ZNF699: variants seen among roughly 807,000 people sequenced by gnomAD.
ZNF699 encodes zinc finger protein 699.
A neutral mutation model predicts 22.5 loss-of-function variants in ZNF699; 18 were observed. The ratio of observed to expected loss-of-function variants is 0.80; its 90% CI spans 0.55 to 1.19. ZNF699 has a LOEUF of 1.19. ZNF699 is among the 50% of genes most tolerant of loss of function. The probability of loss-of-function intolerance (pLI) is 0.00; values close to 1 mark genes in which losing one functional copy is unlikely to be tolerated. For synonymous variants in ZNF699, 241 were observed against 262.3 expected (o/e 0.92, Z 0.78); for missense variants, 670 against 763.4 (o/e 0.88, Z 1.44).
chr19:9,292,651 G>A lies in ZNF699; in HGVS notation c.*2824C>T, dbSNP rs958745337. On this transcript the variant is annotated 3_prime_UTR_variant, in exon 6 of 6. Transcript: ENST00000591998. Reference sequence around the variant, plus strand: ...ACAAATTCCCTTTAAAGAGTGAAAAGACAAGACAGAGATTGGGAAATGTTA... The same window carrying A: ...ACAAATTCCCTTTAAAGAGTGAAAAAACAAGACAGAGATTGGGAAATGTTA... Among the ~76,000 whole-genome samples, 7 of 151,990 alleles carry A rather than the reference G, an allele frequency of 4.6e-5. No individual in the cohort carries two copies. Among genetic ancestry groups the A allele is most frequent in the Non-Finnish European group, 8.8e-5 (6 of 67,984 alleles).
Position 9,293,545 on chromosome 19 carries a change from A to T in ZNF699, c.*1930T>A, listed in dbSNP as rs2066273900. On this transcript the variant is annotated 3_prime_UTR_variant, in exon 6 of 6. Transcript: ENST00000591998. ...AAGAAGTCAAAACACATAACTGTAT[A>T]TATTGTATTTTAACATTTGGATGAA... Among the ~76,000 whole-genome samples the T allele has an allele frequency of 2.0e-5, 3 of 152,236 alleles. No homozygotes were observed. Among genetic ancestry groups the T allele is most frequent in the Non-Finnish European group, 4.4e-5 (3 of 68,032 alleles).
chr19:9,300,337 C>G (rs1001457228), intron 3 of ZNF699, among the ~76,000 whole-genome samples: 2 of 152,184 alleles, frequency 1.3e-5, no homozygotes, highest in African/African-American at 4.8e-5. Context: ...GCCTCGGCCT[C>G]CCAAAGTACT....
chr19:9,299,265 G>C (rs899281407), intron 3 of ZNF699, among the ~76,000 whole-genome samples: 1 of 152,168 alleles, frequency 6.6e-6, no homozygotes, highest in Admixed American at 6.5e-5. Flanking sequence ...CTCCTGAGTA[G>C]CTGGGACCAC....
Position 9,309,369 on chromosome 19 carries a change from A to T in ZNF699, c.-25T>A, listed in dbSNP as rs940039452. On this transcript the variant is annotated 5_prime_UTR_variant, in exon 1 of 6. Coordinates refer to ENST00000591998, the MANE Select transcript of ZNF699 (RefSeq NM_198535.3). ...GCTCACCCGACACGCCGCGATCCAC[A>T]GATCAGCTCACAGAGAACGAGGCTG... is the stretch of plus-strand genomic sequence containing the variant. 6.6e-6 allele frequency: 1 copy of T among 152,358 alleles called. No homozygotes were observed. Among genetic ancestry groups the T allele is most frequent in the Non-Finnish European group, 1.5e-5 (1 of 68,148 alleles). The allele number at this position is 152,358 out of a possible 1,614,324, so 9.4% of individuals were successfully genotyped here.
rs566809848 is a variant in ZNF699, at chr19:9,293,872, A to G, written c.*1603T>C. On this transcript the variant is annotated 3_prime_UTR_variant, in exon 6 of 6. Transcript: ENST00000591998. ...TCACAGTAGTAGATTATACTTTTAA[A>G]GGGAAAATATAATACTGTAGCTAAA... 6.6e-6 allele frequency among the ~76,000 whole-genome samples: 1 copy of G among 152,204 alleles called. No homozygotes were observed. The highest frequency in any genetic ancestry group is 2.4e-5 in the African/African-American group (1 of 41,540).
rs1599248274 is a variant in ZNF699, at chr19:9,292,905, T to G, written c.*2570A>C. On this transcript the variant is annotated 3_prime_UTR_variant, in exon 6 of 6. Coordinates refer to ENST00000591998, the MANE Select transcript of ZNF699 (RefSeq NM_198535.3). ...ATCCCAGCACTTTGGGAGGCCGAGG[T>G]GGGCAGATCACCTGAGGTCAGGAGT... Among the ~76,000 whole-genome samples, 2 of 150,418 alleles carry G rather than the reference T, an allele frequency of 1.3e-5. No homozygotes were observed. The highest frequency in any genetic ancestry group is 1.5e-5 in the Non-Finnish European group (1 of 67,660).
In ZNF699 at chr19:9,296,914, T is replaced by A; in HGVS notation, c.490A>T (p.Ile164Phe). The A allele has an allele frequency of 6.2e-7, 1 of 1,604,626 alleles. No homozygotes were observed. Among genetic ancestry groups the A allele is most frequent in the Non-Finnish European group, 8.5e-7 (1 of 1,173,678 alleles). ...RHLRNHMVEN[I>F]YECYEENQDG... is the part of the protein sequence containing the mutation. ...TGATTTTCTTCATAACATTCATAGA[T>A]GTTCTCTACCATATGATTTCTTTTA... Residue 164 changes from isoleucine (I) to phenylalanine (F), a missense_variant, in exon 6 of 6, where the codon ATC becomes TTC. Coordinates refer to ENST00000591998, the MANE Select transcript of ZNF699 (RefSeq NM_198535.3).
chr19:9,297,847 C>G lies in ZNF699; in HGVS notation c.286+33G>C. ...TTTTACTTTAAGTTTATTTTTTCCCCCAACCAAAACAGTTTCTCCCAAGGG... is the reference window on the plus strand; with the variant it reads ...TTTTACTTTAAGTTTATTTTTTCCCGCAACCAAAACAGTTTCTCCCAAGGG... On this transcript the variant is annotated intron_variant, in intron 4 of 5. Coordinates refer to ENST00000591998, the MANE Select transcript of ZNF699 (RefSeq NM_198535.3). The surrounding 1 kb of genome is among the most constrained non-coding windows in gnomAD (Gnocchi z 4.3). 6.5e-7 allele frequency: 1 copy of G among 1,533,156 alleles called. No individual in the cohort carries two copies. The highest frequency in any genetic ancestry group is 9.0e-7 in the Non-Finnish European group (1 of 1,114,572). 95.0% of individuals were successfully genotyped at this position (1,533,156 alleles called of 1,614,324 possible). A position where few individuals can be genotyped will look rare whatever the true frequency, so the allele number is the denominator to read the frequency against.
chr19:9,304,286 C>G (rs73504751), intron 2 of ZNF699, among the ~76,000 whole-genome samples: 6,465 of 152,200 alleles, frequency 0.042, 375 homozygotes, highest in African/African-American at 0.14. Context: ...TCACCTGTTA[C>G]TTTATTCCCA....
rs1465683449 is a variant in ZNF699, at chr19:9,305,260, A to AACACACACACACACACACACACAC, written c.-5-137_-5-136insGTGTGTGTGTGTGTGTGTGTGTGT. The AACACACACACACACACACACACAC allele has an allele frequency of 5.8e-4, 380 of 650,960 alleles. 2 individuals carry two copies. The African/African-American group carries it at 6.4e-3, about 11-fold the overall frequency. The allele number at this position is 650,960 out of a possible 1,614,324, so 40.3% of individuals were successfully genotyped here. A position where few individuals can be genotyped will look rare whatever the true frequency, so the allele number is the denominator to read the frequency against. ...AATTATAAGTAACAACTCCCCTCAA[A>AACACACACACACACACACACACAC]ACACATACACACACACACACACACA... On this transcript the variant is annotated intron_variant, in intron 1 of 5. Transcript: ENST00000591998.
rs775581670 is a variant in ZNF699, at chr19:9,297,330, C to G, written c.436G>C (p.Asp146His). ...LHENQESCGIDYQNKSHERHL... is the reference protein window; with the variant it reads ...LHENQESCGIHYQNKSHERHL... The stretch of plus-strand genomic sequence containing the variant: ...CTCTCATGGCTTTTGTTCTGATAAT[C>G]AATACCACAGGACTCCTGGTTTTCA... The change falls in exon 5 of 6, where the codon GAT becomes CAT. Residue 146 changes from aspartate (D) to histidine (H), a missense_variant. Asp to His is a moderately conservative substitution (Grantham distance 81, BLOSUM62 -1). Transcript: ENST00000591998. This position sits in a 1 kb window ranked among gnomAD's most constrained non-coding sequence, Gnocchi z 4.3. The G allele has an allele frequency of 3.1e-6, 5 of 1,598,702 alleles. No homozygotes were observed. The South Asian group carries it at 5.8e-5, about 18-fold the overall frequency.
At chr19:9,298,812 G>A (rs770708000) in intron 3 of ZNF699, among the ~76,000 whole-genome samples, 3 of 152,064 alleles carry the variant, frequency 2.0e-5, no homozygotes, top group Admixed American at 6.6e-5. Flanking sequence ...GCTGAACAAC[G>A]TCCCCTCAAA....
At chr19:9,302,563 G>A (rs1488917939) in intron 2 of ZNF699, 59 bp from the exon 3 acceptor site, 7 of 1,513,408 alleles carry the variant, frequency 4.6e-6, no homozygotes, top group East Asian at 2.3e-5. Flanking sequence ...TGTACAAGAG[G>A]ACAGATGAGG....
In ZNF699 at chr19:9,297,735, C is replaced by G; in HGVS notation, c.286+145G>C. The G allele has an allele frequency of 1.5e-6, 1 of 661,410 alleles. No individual in the cohort carries two copies. Among genetic ancestry groups the G allele is most frequent in the South Asian group, 2.0e-5 (1 of 49,344 alleles). 41.0% of individuals were successfully genotyped at this position (661,410 alleles called of 1,614,324 possible). A position where few individuals can be genotyped will look rare whatever the true frequency, so the allele number is the denominator to read the frequency against. Reference sequence around the variant, plus strand: ...GTCTTTGCCAAGAACAAGGAAAATGCGAGAGGACTGATAAAAAGTCAAAAT... The same window carrying G: ...GTCTTTGCCAAGAACAAGGAAAATGGGAGAGGACTGATAAAAAGTCAAAAT... On this transcript the variant is annotated intron_variant, in intron 4 of 5. Transcript: ENST00000591998. The surrounding 1 kb of genome is among the most constrained non-coding windows in gnomAD (Gnocchi z 4.3).
At position 9,296,041 on chromosome 19, in the gene ZNF699, C is replaced by A. The variant is rs761766891; in HGVS notation, c.1363G>T (p.Ala455Ser). ...KPYECKECGK[A>S]FSCPSSFRAH... is the part of the protein sequence containing the mutation. Reference sequence around the variant, plus strand: ...CTAAAGGACGAGGGACAACTAAAGGCCTTCCCACATTCCTTACATTCATAG... The same window carrying A: ...CTAAAGGACGAGGGACAACTAAAGGACTTCCCACATTCCTTACATTCATAG... Residue 455 changes from alanine (A) to serine (S), a missense_variant, in exon 6 of 6, where the codon GCC becomes TCC. Coordinates refer to ENST00000591998, the MANE Select transcript of ZNF699 (RefSeq NM_198535.3). 3 of 1,614,010 alleles carry A rather than the reference C, an allele frequency of 1.9e-6. No individual in the cohort carries two copies. The highest frequency in any genetic ancestry group is 2.7e-5 in the African/African-American group (2 of 74,902).
intron 3 of ZNF699, among the ~76,000 whole-genome samples, chr19:9,299,278 G>A (rs757577049): frequency 6.6e-6 from 1 of 152,166 alleles, no homozygotes; most frequent in Non-Finnish European, 1.5e-5. Context: ...GGGACCACAG[G>A]TGCCTGCCAC....
intron 1 of ZNF699, among the ~76,000 whole-genome samples, chr19:9,308,320 A>T (rs2066334967): frequency 6.6e-6 from 1 of 152,104 alleles, no homozygotes; most frequent in Non-Finnish European, 1.5e-5. Context: ...ATAAACAACA[A>T]CAACAAAAAA....
chr19:9,303,800 G>A (rs1313992648), intron 2 of ZNF699, among the ~76,000 whole-genome samples: 1 of 151,866 alleles, frequency 6.6e-6, no homozygotes, highest in East Asian at 1.9e-4. Flanking sequence ...CTAGGAAATA[G>A]GATGAAAACC....
chr19:9,299,396 A>ATGG (rs1212949575), intron 3 of ZNF699, among the ~76,000 whole-genome samples: 2 of 152,082 alleles, frequency 1.3e-5, no homozygotes, highest in African/African-American at 4.8e-5. Context: ...GGCCTCCCAA[A>ATGG]GTGCTGGGAT....
Sources: gnomAD v4.1 joint callset for allele counts (sites outside exome capture counted in the v4.1 genomes callset) on GRCh38, gnomAD v4.1.1 for gene constraint, Gnocchi (gnomAD v3.1) non-coding constraint, MANE v1.5 for transcripts, NCBI Gene and HGNC (gene_info 2026-07-23, HGNC 2026-07-21) for gene names.